Variants in TASP1 observed in about 807,000 individuals in gnomAD.
The protein encoded by TASP1 is threonine aspartase 1.
A neutral mutation model predicts 56.6 loss-of-function variants in TASP1; 16 were observed. That is an observed-to-expected ratio of 0.28 (90% confidence interval 0.19 to 0.43). The LOEUF is 0.43. Among genes scored for constraint, TASP1 ranks in the 20% least tolerant of loss-of-function variants. The probability of loss-of-function intolerance (pLI) is 1.00; values close to 1 mark genes in which losing one functional copy is unlikely to be tolerated. For missense variants in TASP1, 393 were observed against 511.6 expected (o/e 0.77, Z 2.24); for synonymous variants, 179 against 184.2 (o/e 0.97, Z 0.23).
chr20:13,168,257 C>T, the TASP1 span: 1 of 150,530 alleles, frequency 6.6e-6, no homozygotes, highest in Admixed American at 6.6e-5. Context: ...GATCTCGGCT[C>T]ATTGCAACCT....
At chr20:13,161,355 A>G in the TASP1 span, among the ~76,000 whole-genome samples, 1 of 152,196 alleles carries the variant, frequency 6.6e-6, no homozygotes, top group Non-Finnish European at 1.5e-5. Flanking sequence ...CCTATAGAAG[A>G]AAAATAAGGT....
chr20:13,205,235 C>G, the TASP1 span, among the ~76,000 whole-genome samples: 3 of 152,178 alleles, frequency 2.0e-5, no homozygotes, highest in Admixed American at 6.5e-5. Context: ...CATACAAGCC[C>G]CATTTCTATG....
the TASP1 span, among the ~76,000 whole-genome samples, chr20:13,350,336 A>T: frequency 2.6e-5 from 4 of 152,234 alleles, no homozygotes; most frequent in African/African-American, 4.8e-5. Flanking sequence ...GATTTAACTA[A>T]ATTTCAATTG....
chr20:13,235,927 C>CCT, the TASP1 span, among the ~76,000 whole-genome samples: 2 of 149,654 alleles, frequency 1.3e-5, no homozygotes, highest in South Asian at 2.1e-4. Context: ...TTGTACTTCC[C>CCT]TTTTTTCTTT....
At chr20:13,242,585 A>G in the TASP1 span, among the ~76,000 whole-genome samples, 1 of 152,164 alleles carries the variant, frequency 6.6e-6, no homozygotes, top group African/African-American at 2.4e-5. Context: ...TGTAGAATGG[A>G]GAGCCTGGTC....
intron 10 of TASP1, among the ~76,000 whole-genome samples, chr20:13,498,516 G>A (rs983728948): frequency 1.3e-5 from 2 of 151,764 alleles, no homozygotes; most frequent in Non-Finnish European, 2.9e-5. Context: ...CCACCACCAC[G>A]CCCAGCTAAT....
the TASP1 span, among the ~76,000 whole-genome samples, chr20:13,172,124 T>C: frequency 6.6e-6 from 1 of 152,014 alleles, no homozygotes; most frequent in African/African-American, 2.4e-5. Context: ...ATCCATCTAA[T>C]AAAAACTTGA....
chr20:13,315,578 T>C, the TASP1 span, among the ~76,000 whole-genome samples: 16 of 151,986 alleles, frequency 1.1e-4, no homozygotes, highest in Non-Finnish European at 2.2e-4. Context: ...ATGAATCCAT[T>C]ATCATAGTTA....
the TASP1 span, among the ~76,000 whole-genome samples, chr20:13,230,677 T>TG: frequency 6.6e-6 from 1 of 151,184 alleles, no homozygotes; most frequent in Non-Finnish European, 1.5e-5. Context: ...AGAGATGGGA[T>TG]GGGGGTGTCG....
the TASP1 span, among the ~76,000 whole-genome samples, chr20:13,179,359 C>A: frequency 6.7e-6 from 1 of 149,758 alleles, no homozygotes; most frequent in Non-Finnish European, 1.5e-5. Context: ...AGGAAAATAT[C>A]TTTAAAAAAC....
At chr20:13,427,959 C>T (rs932913590) in intron 12 of TASP1, among the ~76,000 whole-genome samples, 9 of 152,180 alleles carry the variant, frequency 5.9e-5, no homozygotes, top group Non-Finnish European at 1.2e-4. Flanking sequence ...GTAACAATTA[C>T]ATGTGTGCTC....
At chr20:13,138,999 T>C in the TASP1 span, among the ~76,000 whole-genome samples, 3 of 152,216 alleles carry the variant, frequency 2.0e-5, no homozygotes, top group African/African-American at 7.2e-5. Flanking sequence ...CAGCAGGCAC[T>C]GGGCAACAGC....
chr20:13,569,733 C>A, intron 6 of TASP1, 147 bp from the exon 7 acceptor site: 2 of 609,376 alleles, frequency 3.3e-6, no homozygotes, highest in Non-Finnish European at 5.3e-6. Flanking sequence ...AAGATGACTG[C>A]ATGCTAAAAA....
intron 12 of TASP1, among the ~76,000 whole-genome samples, chr20:13,427,854 T>C (rs1385860189): frequency 6.6e-6 from 1 of 152,202 alleles, no homozygotes; most frequent in Non-Finnish European, 1.5e-5. Flanking sequence ...CAGGATCATG[T>C]ACAAAAGTTA....
the TASP1 span, among the ~76,000 whole-genome samples, chr20:13,237,494 G>A: frequency 3.0e-4 from 45 of 152,308 alleles, 1 homozygote; most frequent in East Asian, 3.7e-3. Flanking sequence ...TTCTGTTTAG[G>A]TAAAGTTCAA....
At chr20:13,384,577 G>A (rs2041150700), downstream of TASP1, among the ~76,000 whole-genome samples, 2 of 152,194 alleles carry the variant, frequency 1.3e-5, no homozygotes, top group South Asian at 2.1e-4. Context: ...AATACCTTGC[G>A]GACTTGAATG....
intron 11 of TASP1, among the ~76,000 whole-genome samples, chr20:13,460,042 C>T (rs192783801): frequency 7.9e-5 from 12 of 152,256 alleles, no homozygotes; most frequent in South Asian, 4.1e-4. Flanking sequence ...AAAATTCCTT[C>T]AAAGATGTGT....
chr20:13,145,338 CCAA>C, the TASP1 span, among the ~76,000 whole-genome samples: 1 of 152,052 alleles, frequency 6.6e-6, no homozygotes, highest in South Asian at 2.1e-4. Context: ...TTTCTATACA[CCAA>C]CAACAGCAAA....
At chr20:13,265,697 A>G in the TASP1 span, among the ~76,000 whole-genome samples, 1 of 152,186 alleles carries the variant, frequency 6.6e-6, no homozygotes, top group Admixed American at 6.5e-5. Flanking sequence ...TGCAAAAGTA[A>G]TGGCGGTTTT....
Sources: allele counts gnomAD v4.1 joint callset (sites outside exome capture counted in the v4.1 genomes callset), GRCh38; gene constraint gnomAD v4.1.1; transcripts MANE v1.5; gene names NCBI Gene and HGNC (gene_info 2026-07-23, HGNC 2026-07-21).